SIPA1L3: variants seen among roughly 807,000 people sequenced by gnomAD.
The protein encoded by SIPA1L3 is signal-induced proliferation-associated 1-like protein 3.
Under a neutral mutation model 150.1 loss-of-function variants are expected in SIPA1L3, and 59 were observed. That is an observed-to-expected ratio of 0.39 (90% confidence interval 0.32 to 0.49). SIPA1L3 has a LOEUF of 0.49. Among genes scored for constraint, SIPA1L3 ranks in the 20% least tolerant of loss-of-function variants. SIPA1L3 has a pLI of 0.86. For missense variants in SIPA1L3, 2,211 were observed against 2,489.5 expected, an observed-to-expected ratio of 0.89 and a Z score of 2.38; for synonymous variants, 1,070 against 1,077.6, an observed-to-expected ratio of 0.99 and a Z score of 0.14.
chr19:38,187,772 T>G (rs1467205387), intron 16 of SIPA1L3, among the ~76,000 whole-genome samples: 9 of 140,982 alleles, frequency 6.4e-5, no homozygotes, highest in African/African-American at 2.4e-4. Flanking sequence ...TCAAGGCGAG[T>G]GGATCACCTG....
At chr19:38,077,500 A>G (rs774235314) in intron 2 of SIPA1L3, among the ~76,000 whole-genome samples, 4 of 152,028 alleles carry the variant, frequency 2.6e-5, no homozygotes, top group Non-Finnish European at 5.9e-5. Context: ...AAGCCTGTTC[A>G]TAAGTGCTAA....
At chr19:38,060,404 C>T (rs777830405) in intron 2 of SIPA1L3, among the ~76,000 whole-genome samples, 7 of 152,094 alleles carry the variant, frequency 4.6e-5, no homozygotes, top group Admixed American at 2.0e-4. Flanking sequence ...AAAACGAATC[C>T]AACATGGATA....
At chr19:38,155,573 G>A (rs1390748140) in intron 13 of SIPA1L3, among the ~76,000 whole-genome samples, 8 of 152,188 alleles carry the variant, frequency 5.3e-5, no homozygotes, top group Admixed American at 5.2e-4. Flanking sequence ...TGGGCGAGAT[G>A]GATTCAGAAG....
chr19:38,064,449 C>T (rs1194473660), intron 2 of SIPA1L3, among the ~76,000 whole-genome samples: 4 of 152,228 alleles, frequency 2.6e-5, no homozygotes, highest in African/African-American at 9.6e-5. Flanking sequence ...GTAATCCCAA[C>T]ACTTTGGGAG....
In SIPA1L3 at chr19:38,088,954, C is replaced by T. The variant is rs562169329; in HGVS notation, c.1665+103C>T. 3.1e-6 allele frequency: 4 copies of T among 1,281,838 alleles called. 1 individual carries two copies. In the South Asian group the frequency reaches 5.3e-5, roughly 17 times the overall value. The allele number at this position is 1,281,838 out of a possible 1,614,324, so 79.4% of individuals were successfully genotyped here. On this transcript the variant is annotated intron_variant, in intron 4 of 21. Transcript: ENST00000222345. ...TTCCCCAGCTTCATCTCATGGAATC[C>T]TCCCAACAACCCCGGGAGAGCAATC...
chr19:38,102,592 GAAAA>G (rs71179412), intron 6 of SIPA1L3, among the ~76,000 whole-genome samples: 1 of 66,872 alleles, frequency 1.5e-5, no homozygotes, highest in Non-Finnish European at 3.3e-5. Flanking sequence ...CCCTGTCTCT[GAAAA>G]AAAAAAAAAA....
chr19:38,111,110 A>AC (rs199893557), intron 8 of SIPA1L3, among the ~76,000 whole-genome samples: 6 of 149,038 alleles, frequency 4.0e-5, no homozygotes, highest in East Asian at 3.9e-4. Context: ...TGCAGCCTTG[A>AC]CCCCCCCGGG....
intron 1 of SIPA1L3, among the ~76,000 whole-genome samples, chr19:37,975,202 T>C (rs1039502678): frequency 6.6e-6 from 1 of 152,156 alleles, no homozygotes; most frequent in African/African-American, 2.4e-5. Context: ...CAACTGCAGC[T>C]GTGATACATA....
intron 2 of SIPA1L3, among the ~76,000 whole-genome samples, chr19:38,045,407 T>C (rs1304866477): frequency 1.4e-5 from 2 of 146,546 alleles, no homozygotes; most frequent in East Asian, 4.0e-4. Context: ...AAATAATCAC[T>C]CAGCCACGTA....
Position 38,205,441 on chromosome 19 carries a change from G to C in SIPA1L3, c.5203-656G>C, listed in dbSNP as rs1204852126. 3.0e-5 allele frequency among the ~76,000 whole-genome samples: 4 copies of C among 131,316 alleles called. No individual in the cohort carries two copies. In the Admixed American group the frequency reaches 3.3e-4, roughly 11 times the overall value. 86.1% of individuals were successfully genotyped at this position (131,316 alleles called of 152,430 possible). ...CTCTGCACTCCAGCTTGGGCGACAA[G>C]AGCAAAACCCAGTCTCAAAAAAAAA... On this transcript the variant is annotated intron_variant, in intron 21 of 21. Coordinates refer to ENST00000222345, the MANE Select transcript of SIPA1L3 (RefSeq NM_015073.3).
At chr19:38,162,183 A>G (rs1473513961) in intron 13 of SIPA1L3, 70 bp from the exon 14 acceptor site, 1 of 1,213,390 alleles carries the variant, frequency 8.2e-7, no homozygotes, top group Admixed American at 1.7e-5. Flanking sequence ...AGTCTGGCAA[A>G]GGGTCCAGAT....
At chr19:38,193,410 T>G in intron 17 of SIPA1L3, 127 bp from the exon 18 acceptor site, 8 of 1,113,310 alleles carry the variant, frequency 7.2e-6, no homozygotes, top group African/African-American at 5.2e-5. Context: ...AGGAAGGAAA[T>G]GGGGCAGAAA....
chr19:38,007,343 C>T (rs1967970771), intron 1 of SIPA1L3, among the ~76,000 whole-genome samples: 1 of 151,530 alleles, frequency 6.6e-6, no homozygotes, highest in Non-Finnish European at 1.5e-5. Flanking sequence ...ATCCCAGCTA[C>T]TCTGGAGGCT....
At chr19:38,187,968 C>T (rs1240005799) in intron 16 of SIPA1L3, among the ~76,000 whole-genome samples, 1 of 151,498 alleles carries the variant, frequency 6.6e-6, no homozygotes. Flanking sequence ...TGCAGTCTAG[C>T]CTGGGCGACA....
intron 1 of SIPA1L3, among the ~76,000 whole-genome samples, chr19:37,957,162 C>T (rs1555770092): frequency 6.6e-6 from 1 of 152,196 alleles, no homozygotes; most frequent in South Asian, 2.1e-4. Context: ...ACTGCTAGTG[C>T]CACAGTCTTC....
chr19:38,006,671 G>A (rs1202864295), intron 1 of SIPA1L3, among the ~76,000 whole-genome samples: 1 of 152,182 alleles, frequency 6.6e-6, no homozygotes, highest in Non-Finnish European at 1.5e-5. Context: ...AGTGGTGCGG[G>A]GGGCATCCAG....
At chr19:38,008,644 A>T (rs189576539) in intron 1 of SIPA1L3, among the ~76,000 whole-genome samples, 5 of 149,830 alleles carry the variant, frequency 3.3e-5, no homozygotes, top group Admixed American at 3.3e-4. Flanking sequence ...GCAGCCTTGA[A>T]CTCCTGGGCC....
In SIPA1L3 at chr19:38,103,651, G is replaced by T. The variant is rs1416966149; in HGVS notation, c.2029+2425G>T. 4.0e-5 allele frequency among the ~76,000 whole-genome samples: 6 copies of T among 150,650 alleles called. No homozygotes were observed. The South Asian group carries it at 6.3e-4, about 16-fold the overall frequency. On this transcript the variant is annotated intron_variant, in intron 6 of 21. Transcript: ENST00000222345. ...CTCAAAAAAAAAAAAGGGGCCGGGC[G>T]CGGTGGTTCACGCCTGTAATCTTAG...
intron 16 of SIPA1L3, among the ~76,000 whole-genome samples, chr19:38,191,102 G>A (rs896168557): frequency 6.6e-6 from 1 of 152,198 alleles, no homozygotes; most frequent in African/African-American, 2.4e-5. Context: ...ATATGGCTGT[G>A]GTGGGGATCA....
Sources: allele counts gnomAD v4.1 joint callset (sites outside exome capture counted in the v4.1 genomes callset), GRCh38; gene constraint gnomAD v4.1.1; transcripts MANE v1.5; gene names NCBI Gene and HGNC (gene_info 2026-07-23, HGNC 2026-07-21).